The following ZNF490 variants were observed in gnomAD, a reference collection of about 807,000 sequenced individuals.
The protein encoded by ZNF490 is zinc finger protein 490.
In ZNF490, 11 loss-of-function variants were observed where a neutral mutation model predicts 17.7. The observed-to-expected ratio is 0.62, with a 90% CI of 0.39 to 1.03. The LOEUF is 1.03. Among genes scored for constraint, ZNF490 ranks in the 50% least tolerant of loss-of-function variants. The pLI is 0.00. For missense variants in ZNF490, 542 were observed against 643.4 expected, an observed-to-expected ratio of 0.84 and a Z score of 1.71; for synonymous variants, 222 against 216.1, an observed-to-expected ratio of 1.03 and a Z score of -0.24.
intron 2 of ZNF490, among the ~76,000 whole-genome samples, chr19:12,588,200 C>T (rs975115900): frequency 2.6e-5 from 4 of 151,770 alleles, no homozygotes; most frequent in Non-Finnish European, 4.4e-5. Context: ...GGTTTCACCA[C>T]GTTGGTTAGG....
At position 12,580,267 on chromosome 19, in the gene ZNF490, G is replaced by C; in HGVS notation, c.*218C>G. The C allele has an allele frequency of 7.6e-7, 1 of 1,322,452 alleles. No individual in the cohort carries two copies. The highest frequency in any genetic ancestry group is 9.6e-7 in the Non-Finnish European group (1 of 1,038,756). The allele number at this position is 1,322,452 out of a possible 1,614,324, so 81.9% of individuals were successfully genotyped here. A position where few individuals can be genotyped will look rare whatever the true frequency, so the allele number is the denominator to read the frequency against. The stretch of plus-strand genomic sequence containing the variant: ...TACATTCGTAGCTTTTCTGTCCATG[G>C]AGTCCATTCACATATCTGCAATCCC... On this transcript the variant is annotated 3_prime_UTR_variant, in exon 5 of 5. Coordinates refer to ENST00000311437, the MANE Select transcript of ZNF490 (RefSeq NM_020714.3).
intron 2 of ZNF490, among the ~76,000 whole-genome samples, chr19:12,606,354 T>A (rs936100860): frequency 1.3e-5 from 2 of 150,790 alleles, no homozygotes; most frequent in East Asian, 3.9e-4. Context: ...TTTTTTTTTT[T>A]TTTTTTTTGA....
In ZNF490 at chr19:12,580,520, C is replaced by G. The variant is rs150047025; in HGVS notation, c.1555G>C (p.Val519Leu). 9 of 1,609,154 alleles carry G rather than the reference C, an allele frequency of 5.6e-6. No individual in the cohort carries two copies. The highest frequency in any genetic ancestry group is 1.3e-5 in the African/African-American group (1 of 74,766). Residue 519 changes from valine to leucine, a missense_variant, in exon 5 of 5, where the codon GTG becomes CTG. Val to Leu is a conservative substitution (Grantham distance 32). Coordinates refer to ENST00000311437, the MANE Select transcript of ZNF490 (RefSeq NM_020714.3). ...KAFSYSKSLHVHERTHSRQKP is the reference protein window; with the variant it reads ...KAFSYSKSLHLHERTHSRQKP ...TGTCTACTATGAGTCCTTTCGTGCA[C>G]GTGCAAAGACTTTGAGTAACTGAAG...
Position 12,610,604 on chromosome 19 carries a change from C to G in ZNF490, c.77G>C (p.Ser26Thr). The change falls in exon 1 of 5, where the codon AGT becomes ACT. Residue 26 changes from serine to threonine, a missense_variant. By Grantham distance (58) the Ser-to-Thr change is moderately conservative (BLOSUM62 1). Coordinates refer to ENST00000311437, the MANE Select transcript of ZNF490 (RefSeq NM_020714.3). ...CCCTCCTGTTCCTGTGCGGCCTTGA[C>G]TAGACGACCACTTGCTCTGGACTTG... is the stretch of plus-strand genomic sequence containing the variant. ...EEQVQSKWSS[S>T]QGRTGTGGSD... The G allele has an allele frequency of 1.9e-6, 3 of 1,614,040 alleles. No individual in the cohort carries two copies. Among genetic ancestry groups the G allele is most frequent in the Non-Finnish European group, 2.5e-6 (3 of 1,180,008 alleles).
intron 2 of ZNF490, among the ~76,000 whole-genome samples, 200 bp from the exon 3 acceptor site, chr19:12,583,756 G>GCTCT (rs1195574032): frequency 0.13 from 3,725 of 28,644 alleles, 107 homozygotes; most frequent in Non-Finnish European, 0.19. Context: ...AAATTATTGC[G>GCTCT]CTCTCTCTCT....
intron 2 of ZNF490, among the ~76,000 whole-genome samples, chr19:12,598,008 G>A (rs2022955735): frequency 6.6e-6 from 1 of 152,128 alleles, no homozygotes. Context: ...GGCGGATCAC[G>A]AGGTCAAGTG....
Position 12,610,675 on chromosome 19 carries a change from G to A in ZNF490, c.6C>T (p.Arg2=), listed in dbSNP as rs1401956077. The change falls in exon 1 of 5, where the codon CGC becomes CGT. Residue 2 remains arginine (R), a synonymous_variant. Coordinates refer to ENST00000311437, the MANE Select transcript of ZNF490 (RefSeq NM_020714.3). ...TCTGGAAACTGAGACTGGAATTCCT[G>A]CGCATCCCTGTCCCCGCATCCAGAA... The part of the protein sequence containing the change: M[R]RNSSLSFQME... 1 of 1,613,584 alleles carries A rather than the reference G, an allele frequency of 6.2e-7. No individual in the cohort carries two copies. The highest frequency in any genetic ancestry group is 2.2e-5 in the East Asian group (1 of 44,866).
chr19:12,580,437 A>G lies in ZNF490; in HGVS notation c.*48T>C, dbSNP rs1381324490. The G allele has an allele frequency of 2.0e-6, 3 of 1,528,974 alleles. No individual in the cohort carries two copies. The highest frequency in any genetic ancestry group is 2.6e-6 in the Non-Finnish European group (3 of 1,140,728). 94.7% of individuals were successfully genotyped at this position (1,528,974 alleles called of 1,614,324 possible). A position where few individuals can be genotyped will look rare whatever the true frequency, so the allele number is the denominator to read the frequency against. ...CTCTCCAGCGTAAGTACTCTCATAC[A>G]TCCAAAAGGAACTAATACAACTGAC... On this transcript the variant is annotated 3_prime_UTR_variant, in exon 5 of 5. Transcript: ENST00000311437.
At chr19:12,582,597 T>A (rs1159794842) in intron 4 of ZNF490, among the ~76,000 whole-genome samples, 1 of 151,850 alleles carries the variant, frequency 6.6e-6, no homozygotes, top group Non-Finnish European at 1.5e-5. Flanking sequence ...GGTTTCATCA[T>A]GTTGGCCAGG....
rs940903666 is a variant in ZNF490 at position 12,577,913 on chromosome 19, C to T, written c.*2572G>A. 14 of 985,274 alleles carry T rather than the reference C, an allele frequency of 1.4e-5. No individual in the cohort carries two copies. In the Admixed American group the frequency reaches 3.7e-4, roughly 26 times the overall value. 61.0% of individuals were successfully genotyped at this position (985,274 alleles called of 1,614,324 possible). ...GACTGACTCCAACAAAGGACAGACC[C>T]GACCCCTATCGTGCCTATGCAATTC... On this transcript the variant is annotated 3_prime_UTR_variant, in exon 5 of 5. Transcript: ENST00000311437.
In ZNF490 at chr19:12,578,275, T is replaced by C; in HGVS notation, c.*2210A>G. 7 of 985,612 alleles carry C rather than the reference T, an allele frequency of 7.1e-6. No individual in the cohort carries two copies. The highest frequency in any genetic ancestry group is 8.4e-6 in the Non-Finnish European group (7 of 830,080). 61.1% of individuals were successfully genotyped at this position (985,612 alleles called of 1,614,324 possible). A position where few individuals can be genotyped will look rare whatever the true frequency, so the allele number is the denominator to read the frequency against. On this transcript the variant is annotated 3_prime_UTR_variant, in exon 5 of 5. Transcript: ENST00000311437. ...AGCAAGTTAGGGGAGGTAAGAATTC[T>C]GAGTGTCCTACAGCTAAGACATGGC...
chr19:12,581,010 G>T lies in ZNF490; in HGVS notation c.1065C>A (p.Thr355=), dbSNP rs759119432. The T allele has an allele frequency of 6.2e-7, 1 of 1,613,954 alleles. No homozygotes were observed. The highest frequency in any genetic ancestry group is 8.5e-7 in the Non-Finnish European group (1 of 1,180,024). ...SHSSLRKHVK[T]HTGVQPYTCK... is the part of the protein sequence containing the mutation. ...ATGTATAAGGTTGAACTCCGGTGTG[G>T]GTTTTCACGTGTTTTCGAAGGCTTG... The change falls in exon 5 of 5, where the codon ACC becomes ACA. Residue 355 remains threonine (T), a synonymous_variant. Coordinates refer to ENST00000311437, the MANE Select transcript of ZNF490 (RefSeq NM_020714.3).
At chr19:12,602,055 G>A (rs936527249) in intron 2 of ZNF490, among the ~76,000 whole-genome samples, 15 of 145,552 alleles carry the variant, frequency 1.0e-4, no homozygotes, top group Admixed American at 4.2e-4. Context: ...TCCTGGCACC[G>A]TTTTTGAAAC....
chr19:12,580,884 T>C lies in ZNF490; in HGVS notation c.1191A>G (p.Lys397=). 1 of 1,614,228 alleles carries C rather than the reference T, an allele frequency of 6.2e-7. No homozygotes were observed. Among genetic ancestry groups the C allele is most frequent in the Non-Finnish European group, 8.5e-7 (1 of 1,180,036 alleles). The change falls in exon 5 of 5, where the codon AAA becomes AAG. Residue 397 remains lysine, a synonymous_variant. Transcript: ENST00000311437. ...GAAGGTAACTTGAAGAATTGAAGGCTTTACCACATTGTTTACATTCATAGG... is the reference window on the plus strand; with the variant it reads ...GAAGGTAACTTGAAGAATTGAAGGCCTTACCACATTGTTTACATTCATAGG... ...EKPYECKQCG[K]AFNSSSYLQL...
chr19:12,576,833 A>C lies in ZNF490; in HGVS notation c.*3652T>G, dbSNP rs886639778. Among the ~76,000 whole-genome samples the C allele has an allele frequency of 2.6e-5, 4 of 151,100 alleles. No individual in the cohort carries two copies. The highest frequency in any genetic ancestry group is 6.6e-5 in the Admixed American group (1 of 15,156). On this transcript the variant is annotated 3_prime_UTR_variant, in exon 5 of 5. Transcript: ENST00000311437. Reference sequence around the variant, plus strand: ...CATCTCAAAAAAAAAAAAAAAAAAAAAAACCTAAAAGCATTCCATATTTAA... The same window carrying C: ...CATCTCAAAAAAAAAAAAAAAAAAACAAACCTAAAAGCATTCCATATTTAA...
chr19:12,596,883 C>G (rs886900153), intron 2 of ZNF490, among the ~76,000 whole-genome samples: 1 of 152,208 alleles, frequency 6.6e-6, no homozygotes, highest in African/African-American at 2.4e-5. Context: ...CTCAAACACA[C>G]GAGAATCCGT....
Position 12,578,725 on chromosome 19 carries a change from C to T in ZNF490, c.*1760G>A. 1 of 985,456 alleles carries T rather than the reference C, an allele frequency of 1.0e-6. No individual in the cohort carries two copies. The highest frequency in any genetic ancestry group is 5.2e-4 in the Middle Eastern group (1 of 1,916). 61.0% of individuals were successfully genotyped at this position (985,456 alleles called of 1,614,324 possible). On this transcript the variant is annotated 3_prime_UTR_variant, in exon 5 of 5. Coordinates refer to ENST00000311437, the MANE Select transcript of ZNF490 (RefSeq NM_020714.3). ...TTAAAAGGCAGATTCTGGGAGTCTT[C>T]TCACTTCTCTCCAGTCATGTGTGAG...
At chr19:12,607,419 A>C (rs1030715910) in intron 2 of ZNF490, among the ~76,000 whole-genome samples, 2 of 151,978 alleles carry the variant, frequency 1.3e-5, no homozygotes, top group South Asian at 2.1e-4. Flanking sequence ...AGTTCCAGCT[A>C]CTAGTCCCAG....
chr19:12,577,509 ATGTT>A lies in ZNF490; in HGVS notation c.*2972_*2975del, dbSNP rs1568276184. On this transcript the variant is annotated 3_prime_UTR_variant, in exon 5 of 5. Transcript: ENST00000311437. ...GTTCCAACCCCTCATACTACCATAA[ATGTT>A]CCTGGTGAGAGAAGCGAATGTTCCT... 268 of 581,478 alleles carry A rather than the reference ATGTT, an allele frequency of 4.6e-4. 2 individuals are homozygous for A. The South Asian group carries it at 0.011, about 23-fold the overall frequency. 36.0% of individuals were successfully genotyped at this position (581,478 alleles called of 1,614,324 possible).
Sources: gnomAD v4.1 joint callset for allele counts (sites outside exome capture counted in the v4.1 genomes callset) on GRCh38, gnomAD v4.1.1 for gene constraint, MANE v1.5 for transcripts, NCBI Gene and HGNC (gene_info 2026-07-23, HGNC 2026-07-21) for gene names.